Variants in OCIAD1 observed in about 807,000 individuals in gnomAD.
The protein encoded by OCIAD1 is OCIA domain-containing protein 1.
Under a neutral mutation model 38.9 loss-of-function variants are expected in OCIAD1, and 29 were observed. The ratio of observed to expected loss-of-function variants is 0.74; its 90% CI spans 0.55 to 1.02. The LOEUF (loss-of-function observed/expected upper bound fraction) is 1.02, where lower values mean the gene tolerates loss of function less well. Among genes scored for constraint, OCIAD1 ranks in the 50% least tolerant of loss-of-function variants. The probability of loss-of-function intolerance (pLI) is 0.00; values close to 1 mark genes in which losing one functional copy is unlikely to be tolerated. For missense variants in OCIAD1, 288 were observed against 289.6 expected, an observed-to-expected ratio of 0.99 and a Z score of 0.04; for synonymous variants, 110 against 92.0, an observed-to-expected ratio of 1.20 and a Z score of -1.12.
chr4:48,858,370 C>T (rs1482170531), intron 8 of OCIAD1, among the ~76,000 whole-genome samples: 4 of 152,088 alleles, frequency 2.6e-5, no homozygotes, highest in African/African-American at 9.7e-5. Context: ...GCTGTAATAC[C>T]ACTTGTGGCC....
intron 1 of OCIAD1, among the ~76,000 whole-genome samples, chr4:48,821,781 A>G (rs1206087801): frequency 2.6e-5 from 4 of 152,188 alleles, no homozygotes; most frequent in Non-Finnish European, 4.4e-5. Flanking sequence ...TCATGAGTGA[A>G]CTCCCATTCA....
chr4:48,857,171 C>G (rs768141099), intron 7 of OCIAD1, 42 bp from the exon 8 acceptor site: 1 of 1,336,628 alleles, frequency 7.5e-7, no homozygotes, highest in East Asian at 2.6e-5. Context: ...TAGAGTTATA[C>G]AAATCCTTTT....
rs144566344 is a variant in OCIAD1, at chr4:48,851,925, C to A, written c.497C>A (p.Ser166Tyr). 8.7e-6 allele frequency: 14 copies of A among 1,605,056 alleles called. No individual in the cohort carries two copies. In the African/African-American group the frequency reaches 1.7e-4, roughly 20 times the overall value. ...LPHYEPIPFS[S>Y]SMNESAPTGI... ...CATTATGAGCCAATTCCATTCAGTTCTTCTATGAATGAATCTGCTCCCACT... is the reference window on the plus strand; with the variant it reads ...CATTATGAGCCAATTCCATTCAGTTATTCTATGAATGAATCTGCTCCCACT... The change falls in exon 7 of 9, where the codon TCT becomes TAT. Residue 166 changes from serine to tyrosine, a missense_variant. By Grantham distance (144) the Ser-to-Tyr change is moderately radical. Transcript: ENST00000264312.
At chr4:48,852,484 C>T (rs1312232144) in intron 7 of OCIAD1, 1 of 152,342 alleles carries the variant, frequency 6.6e-6, no homozygotes, top group African/African-American at 2.4e-5. Flanking sequence ...TTTGTAAATA[C>T]TAGCTTTGAA....
At chr4:48,839,084 T>G (rs908183484) in intron 3 of OCIAD1, among the ~76,000 whole-genome samples, 7 of 152,198 alleles carry the variant, frequency 4.6e-5, no homozygotes, top group African/African-American at 1.4e-4. Context: ...AGCTGGAGTC[T>G]ATGAATAATA....
At chr4:48,829,683 A>C (rs948380318), upstream of OCIAD1, among the ~76,000 whole-genome samples, 1 of 152,216 alleles carries the variant, frequency 6.6e-6, no homozygotes, top group African/African-American at 2.4e-5. Context: ...CTGGAAGAAC[A>C]GTGGTCTAGA....
intron 6 of OCIAD1, among the ~76,000 whole-genome samples, chr4:48,850,979 T>G (rs1374629863): frequency 6.6e-6 from 1 of 152,262 alleles, no homozygotes; most frequent in Admixed American, 6.5e-5. Context: ...TACTATAGTT[T>G]GGACTTTTCT....
chr4:48,852,049 T>G, intron 7 of OCIAD1, 74 bp downstream of exon 7: 1 of 1,037,846 alleles, frequency 9.6e-7, no homozygotes, highest in African/African-American at 1.6e-5. Context: ...TGATGACCTT[T>G]TCTGCTGGAT....
rs11940766 is a variant in OCIAD1 at position 48,857,125 on chromosome 4, C to T, written c.548-88C>T. On this transcript the variant is annotated intron_variant, in intron 7 of 8. Coordinates refer to ENST00000264312, the MANE Select transcript of OCIAD1 (RefSeq NM_017830.4). ...TCTTTATTCTATTTTGATTGTAGCT[C>T]CTTTTGTAAGGAGCATTTGTAAAAT... 3.7e-4 allele frequency: 250 copies of T among 667,968 alleles called. 1 individual carries two copies. The African/African-American group carries it at 4.2e-3, about 11-fold the overall frequency. The allele number at this position is 667,968 out of a possible 1,614,324, so 41.4% of individuals were successfully genotyped here.
chr4:48,837,642 CTTTT>C (rs576203754), intron 3 of OCIAD1, among the ~76,000 whole-genome samples: 2 of 97,662 alleles, frequency 2.0e-5, no homozygotes. Flanking sequence ...AGCAACAGTT[CTTTT>C]TTTTTTTTTT....
chr4:48,822,602 C>A (rs1350213603), intron 1 of OCIAD1, among the ~76,000 whole-genome samples: 1 of 152,144 alleles, frequency 6.6e-6, no homozygotes, highest in Non-Finnish European at 1.5e-5. Context: ...TCAGAGTGAA[C>A]AGGCAACCTA....
intron 1 of OCIAD1, 178 bp downstream of exon 1, chr4:48,831,427 TG>T: frequency 8.5e-7 from 1 of 1,176,894 alleles, no homozygotes; most frequent in Non-Finnish European, 1.1e-6. Flanking sequence ...GGAGTGCTTC[TG>T]GGGGTGTGAG....
chr4:48,805,531 T>G (rs935042579), intron 1 of OCIAD1, among the ~76,000 whole-genome samples: 1 of 152,166 alleles, frequency 6.6e-6, no homozygotes, highest in African/African-American at 2.4e-5. Context: ...TAACTTACTT[T>G]GGATAAATGT....
At chr4:48,811,070 T>C (rs1777085138) in intron 1 of OCIAD1, among the ~76,000 whole-genome samples, 2 of 152,076 alleles carry the variant, frequency 1.3e-5, no homozygotes, top group African/African-American at 2.4e-5. Context: ...TTGTCCAGGC[T>C]GGTCTCAAAC....
rs1454546259 is a variant in OCIAD1 at position 48,860,641 on chromosome 4, CT to C, written c.701-80del. ...TTATTCAAATGAGAGAGAAACATAA[CT>C]TTTCATCATAGCAACAAACTTAAAA... On this transcript the variant is annotated intron_variant, in intron 8 of 8. Coordinates refer to ENST00000264312, the MANE Select transcript of OCIAD1 (RefSeq NM_017830.4). 3.8e-6 allele frequency: 4 copies of C among 1,043,716 alleles called. No individual in the cohort carries two copies. In the East Asian group the frequency reaches 9.6e-5, roughly 25 times the overall value. 64.7% of individuals were successfully genotyped at this position (1,043,716 alleles called of 1,614,324 possible).
At chr4:48,823,161 C>T (rs932509375) in intron 1 of OCIAD1, among the ~76,000 whole-genome samples, 3 of 152,002 alleles carry the variant, frequency 2.0e-5, no homozygotes, top group Non-Finnish European at 4.4e-5. Context: ...CAATGATAGA[C>T]CGGATAAAGA....
chr4:48,841,790 G>A (rs921520026), intron 3 of OCIAD1, among the ~76,000 whole-genome samples: 40 of 151,984 alleles, frequency 2.6e-4, no homozygotes, highest in African/African-American at 9.2e-4. Context: ...ATTCATAGCT[G>A]TTTTTAAGTT....
At chr4:48,837,735 GA>G (rs1778140620) in intron 3 of OCIAD1, among the ~76,000 whole-genome samples, 2 of 149,940 alleles carry the variant, frequency 1.3e-5, no homozygotes, top group African/African-American at 4.9e-5. Flanking sequence ...ACAGGATTAA[GA>G]AAAAGGCAAG....
chr4:48,816,272 AG>A (rs1245313038), intron 1 of OCIAD1, among the ~76,000 whole-genome samples: 2 of 152,248 alleles, frequency 1.3e-5, no homozygotes, highest in African/African-American at 4.8e-5. Flanking sequence ...GCAGTTCATT[AG>A]AATAAACTGG....
Sources: allele counts gnomAD v4.1 joint callset (sites outside exome capture counted in the v4.1 genomes callset), GRCh38; gene constraint gnomAD v4.1.1; transcripts MANE v1.5; gene names NCBI Gene and HGNC (gene_info 2026-07-23, HGNC 2026-07-21).